CHCHD6: variants seen among roughly 807,000 people sequenced by gnomAD.
CHCHD6 encodes coiled-coil-helix-coiled-coil-helix domain containing 6.
Under a neutral mutation model 32.3 loss-of-function variants are expected in CHCHD6, and 28 were observed. That is an observed-to-expected ratio of 0.87 (90% CI 0.64 to 1.19). The LOEUF is 1.19. Ranked by LOEUF, CHCHD6 falls within the 50% of genes most tolerant of loss-of-function variation. CHCHD6 has a pLI of 0.00. For missense variants in CHCHD6, 333 were observed against 307.0 expected, an observed-to-expected ratio of 1.08 and a Z score of -0.63; for synonymous variants, 122 against 117.5, an observed-to-expected ratio of 1.04 and a Z score of -0.25.
intron 5 of CHCHD6, among the ~76,000 whole-genome samples, chr3:126,906,864 A>G (rs1044819430): frequency 2.0e-5 from 3 of 152,200 alleles, no homozygotes; most frequent in African/African-American, 4.8e-5. Flanking sequence ...TCCCTGGACC[A>G]ATGAAGAAGC....
intron 5 of CHCHD6, among the ~76,000 whole-genome samples, chr3:126,891,386 A>G (rs2077757894): frequency 6.6e-6 from 1 of 152,170 alleles, no homozygotes; most frequent in Non-Finnish European, 1.5e-5. Flanking sequence ...ATGCACCTGC[A>G]GGTTTACAGG....
intron 4 of CHCHD6, among the ~76,000 whole-genome samples, chr3:126,742,525 T>C (rs2107664003): frequency 6.6e-6 from 1 of 152,318 alleles, no homozygotes; most frequent in African/African-American, 2.4e-5. Flanking sequence ...TAATCCCCAG[T>C]GTGGCAGTAT....
At chr3:126,844,057 C>T (rs575272406) in intron 4 of CHCHD6, among the ~76,000 whole-genome samples, 1 of 152,132 alleles carries the variant, frequency 6.6e-6, no homozygotes, top group Non-Finnish European at 1.5e-5. Flanking sequence ...GGGTGTCTTA[C>T]AATTTCTAAT....
chr3:126,818,701 A>G (rs1479151371), intron 4 of CHCHD6, among the ~76,000 whole-genome samples: 1 of 152,172 alleles, frequency 6.6e-6, no homozygotes, highest in African/African-American at 2.4e-5. Flanking sequence ...AGTGGGCCTC[A>G]TTACCAAGGA....
At chr3:126,786,715 T>C (rs1164178108) in intron 4 of CHCHD6, among the ~76,000 whole-genome samples, 2 of 152,256 alleles carry the variant, frequency 1.3e-5, no homozygotes, top group African/African-American at 2.4e-5. Flanking sequence ...TTGTAGATTC[T>C]GGATATTAGT....
intron 4 of CHCHD6, among the ~76,000 whole-genome samples, chr3:126,835,651 G>A (rs1940827347): frequency 6.6e-6 from 1 of 152,202 alleles, no homozygotes; most frequent in Non-Finnish European, 1.5e-5. Flanking sequence ...AACTCTTACT[G>A]TTTGGAGCTG....
intron 4 of CHCHD6, among the ~76,000 whole-genome samples, chr3:126,789,369 G>A (rs1425133822): frequency 1.6e-4 from 24 of 152,028 alleles, no homozygotes; most frequent in Admixed American, 1.6e-3. Flanking sequence ...TCAATTCCTG[G>A]GTATCCTTGT....
At chr3:126,910,920 C>A (rs1346606609) in intron 5 of CHCHD6, among the ~76,000 whole-genome samples, 1 of 152,178 alleles carries the variant, frequency 6.6e-6, no homozygotes, top group African/African-American at 2.4e-5. Context: ...CTCGCCCTGA[C>A]AAGGACGGGG....
intron 6 of CHCHD6, chr3:126,952,976 T>G: frequency 1.0e-6 from 1 of 985,430 alleles, no homozygotes; most frequent in Non-Finnish European, 1.2e-6. Flanking sequence ...GGAGGCTGGA[T>G]GTGGGGTCTT....
At chr3:126,750,130 A>T (rs114151309) in intron 4 of CHCHD6, among the ~76,000 whole-genome samples, 1 of 152,108 alleles carries the variant, frequency 6.6e-6, no homozygotes, top group Admixed American at 6.5e-5. Context: ...AACATTGCGC[A>T]ATTGGGATAG....
intron 4 of CHCHD6, among the ~76,000 whole-genome samples, chr3:126,736,557 CG>C (rs1229268309): frequency 2.0e-5 from 3 of 152,200 alleles, no homozygotes; most frequent in African/African-American, 7.2e-5. Flanking sequence ...CCCTCTTCTG[CG>C]TAAGGGATTG....
intron 5 of CHCHD6, among the ~76,000 whole-genome samples, chr3:126,861,793 A>C (rs1576510021): frequency 1.3e-5 from 1 of 74,342 alleles, no homozygotes; most frequent in African/African-American, 5.6e-5. Flanking sequence ...GACCATCACC[A>C]CCTCCCCCTC....
At chr3:126,791,810 C>T (rs1326939274) in intron 4 of CHCHD6, among the ~76,000 whole-genome samples, 4 of 152,192 alleles carry the variant, frequency 2.6e-5, no homozygotes, top group Non-Finnish European at 4.4e-5. Context: ...AGGGTTTCAC[C>T]ATGTTGGCCA....
chr3:126,755,838 ATGTGTGTG>A (rs58430251), intron 4 of CHCHD6, among the ~76,000 whole-genome samples: 2 of 145,876 alleles, frequency 1.4e-5, no homozygotes, highest in Admixed American at 6.9e-5. Flanking sequence ...CTGTGTGTGC[ATGTGTGTG>A]TGTGTGTGTG....
Position 126,828,798 on chromosome 3 carries a change from G to A in CHCHD6, c.412-23849G>A, listed in dbSNP as rs77104037. Among the ~76,000 whole-genome samples the A allele has an allele frequency of 9.2e-3, 1,398 of 152,288 alleles. 12 individuals are homozygous for A. The highest frequency in any genetic ancestry group is 0.014 in the Non-Finnish European group (954 of 68,014). ...GTCATCTTAGCAGCTCTGCTCCCAG[G>A]AGGCTGCACTATTTGTACCACTCGG... On this transcript the variant is annotated intron_variant, in intron 4 of 7. Coordinates refer to ENST00000290913, the MANE Select transcript of CHCHD6 (RefSeq NM_032343.3).
At chr3:126,892,602 G>C (rs2107578838) in intron 5 of CHCHD6, among the ~76,000 whole-genome samples, 1 of 152,314 alleles carries the variant, frequency 6.6e-6, no homozygotes, top group Non-Finnish European at 1.5e-5. Context: ...CCCACGTCCA[G>C]CTTTCAAGAC....
At chr3:126,911,204 A>G (rs894386375) in intron 5 of CHCHD6, among the ~76,000 whole-genome samples, 1 of 152,050 alleles carries the variant, frequency 6.6e-6, no homozygotes, top group Non-Finnish European at 1.5e-5. Context: ...TTATGATGCC[A>G]CCATCTCAGA....
At chr3:126,766,666 A>G in intron 4 of CHCHD6, 2 of 1,052,768 alleles carry the variant, frequency 1.9e-6, no homozygotes, top group Non-Finnish European at 3.0e-6. Context: ...CTCGGTGGCC[A>G]CAATGATGCT....
chr3:126,775,602 G>T (rs901488556), intron 4 of CHCHD6, among the ~76,000 whole-genome samples: 1 of 152,140 alleles, frequency 6.6e-6, no homozygotes, highest in Non-Finnish European at 1.5e-5. Context: ...GTTAGCAACC[G>T]CAAGCAGCAG....
Sources: gnomAD v4.1 joint callset for allele counts (sites outside exome capture counted in the v4.1 genomes callset) on GRCh38, gnomAD v4.1.1 for gene constraint, MANE v1.5 for transcripts, NCBI Gene and HGNC (gene_info 2026-07-23, HGNC 2026-07-21) for gene names.